Variants in MSRA observed in about 807,000 individuals in gnomAD.
MSRA encodes mitochondrial peptide methionine sulfoxide reductase.
A neutral mutation model predicts 31.3 loss-of-function variants in MSRA; 54 were observed. The ratio of observed to expected loss-of-function variants is 1.73; its 90% CI spans 1.39 to 2.17. The LOEUF (loss-of-function observed/expected upper bound fraction) is 2.17. MSRA is among the 30% of genes most tolerant of loss of function. The pLI is 0.00. For synonymous variants in MSRA, 169 were observed against 116.5 expected (o/e 1.45, Z -2.90); for missense variants, 507 against 300.9 (o/e 1.69, Z -5.07).
chr8:10,200,635 C>G (rs1487517208), intron 1 of MSRA, among the ~76,000 whole-genome samples: 1 of 152,164 alleles, frequency 6.6e-6, no homozygotes, highest in African/African-American at 2.4e-5. Flanking sequence ...AGAAGCCCCT[C>G]CCAGTGACTC....
At chr8:10,129,578 G>C (rs1801749345) in intron 1 of MSRA, among the ~76,000 whole-genome samples, 1 of 152,042 alleles carries the variant, frequency 6.6e-6, no homozygotes, top group Non-Finnish European at 1.5e-5. Context: ...ACCAGCTCAG[G>C]AGGAGGCCTG....
At chr8:10,301,503 A>G (rs754024586) in intron 3 of MSRA, 31 bp from the exon 4 acceptor site, 3 of 1,561,132 alleles carry the variant, frequency 1.9e-6, no homozygotes, top group Non-Finnish European at 1.8e-6. Flanking sequence ...GTTGTCAGTA[A>G]ATTTCGGTTG....
At chr8:10,316,336 G>C (rs1203970184) in intron 4 of MSRA, among the ~76,000 whole-genome samples, 1 of 152,086 alleles carries the variant, frequency 6.6e-6, no homozygotes, top group Non-Finnish European at 1.5e-5. Flanking sequence ...GCCTTCAACA[G>C]GCAACCAGCC....
chr8:10,297,763 C>G (rs891718630), intron 3 of MSRA, among the ~76,000 whole-genome samples: 6 of 152,194 alleles, frequency 3.9e-5, no homozygotes, highest in African/African-American at 1.4e-4. Flanking sequence ...AACAACCAAG[C>G]TTCTTTAAAC....
At chr8:10,144,935 C>T (rs1009080749) in intron 1 of MSRA, among the ~76,000 whole-genome samples, 15 of 151,676 alleles carry the variant, frequency 9.9e-5, no homozygotes, top group Admixed American at 7.9e-4. Flanking sequence ...ACTCTGCCTT[C>T]AAACATAAAG....
At chr8:10,219,435 G>A (rs993696120) in intron 2 of MSRA, among the ~76,000 whole-genome samples, 7 of 152,138 alleles carry the variant, frequency 4.6e-5, no homozygotes, top group African/African-American at 1.7e-4. Flanking sequence ...TCTCGTGTAT[G>A]TATTTTTGTA....
chr8:10,383,161 C>G (rs763730105), intron 5 of MSRA, among the ~76,000 whole-genome samples: 9 of 152,242 alleles, frequency 5.9e-5, no homozygotes, highest in Non-Finnish European at 1.2e-4. Flanking sequence ...GGGTGCCAGC[C>G]AACTCTGCTG....
intron 5 of MSRA, among the ~76,000 whole-genome samples, chr8:10,327,479 A>T (rs1022512959): frequency 4.6e-5 from 7 of 152,326 alleles, no homozygotes; most frequent in African/African-American, 1.7e-4. Flanking sequence ...TTCAAAAATA[A>T]AGGTTCAGTT....
rs187743782 is a variant in MSRA at position 10,255,461 on chromosome 8, G to C, written c.331+10238G>C. 2.5e-4 allele frequency among the ~76,000 whole-genome samples: 38 copies of C among 152,318 alleles called. No individual in the cohort carries two copies. The East Asian group carries it at 6.4e-3, about 26-fold the overall frequency. Reference sequence around the variant, plus strand: ...TTTCAATTTCAGCCTGATTCCCTGAGTGAATTTAATGTAAAGCTGTCCCTT... The same window carrying C: ...TTTCAATTTCAGCCTGATTCCCTGACTGAATTTAATGTAAAGCTGTCCCTT... On this transcript the variant is annotated intron_variant, in intron 3 of 5. Transcript: ENST00000317173.
intron 1 of MSRA, among the ~76,000 whole-genome samples, chr8:10,100,589 G>A (rs1393393408): frequency 1.3e-5 from 2 of 152,128 alleles, no homozygotes; most frequent in African/African-American, 2.4e-5. Flanking sequence ...GGATGAGTAA[G>A]TAGAAATTTA....
chr8:10,142,557 C>T (rs1337638000), intron 1 of MSRA, among the ~76,000 whole-genome samples: 1 of 152,216 alleles, frequency 6.6e-6, no homozygotes, highest in Non-Finnish European at 1.5e-5. Context: ...GATTTTTCCC[C>T]TCTCCTGGAA....
chr8:10,276,150 C>A (rs1799310202), intron 3 of MSRA, among the ~76,000 whole-genome samples: 1 of 152,170 alleles, frequency 6.6e-6, no homozygotes, highest in African/African-American at 2.4e-5. Flanking sequence ...GTGGTGGTGG[C>A]TACTCTGTTT....
At chr8:10,301,301 C>T (rs989640684) in intron 3 of MSRA, among the ~76,000 whole-genome samples, 2 of 152,068 alleles carry the variant, frequency 1.3e-5, no homozygotes, top group Non-Finnish European at 2.9e-5. Context: ...TATTAGAGCA[C>T]AATGTAGAAG....
intron 3 of MSRA, among the ~76,000 whole-genome samples, chr8:10,271,679 GAATTCCATTA>G (rs1192729204): frequency 6.6e-6 from 1 of 151,048 alleles, no homozygotes; most frequent in African/African-American, 2.4e-5. Context: ...GTTTGCTGTA[GAATTCCATTA>G]AATGATTTAT....
intron 1 of MSRA, among the ~76,000 whole-genome samples, chr8:10,098,756 T>C (rs1044798476): frequency 6.6e-6 from 1 of 152,222 alleles, no homozygotes; most frequent in Admixed American, 6.5e-5. Context: ...GCCAGAAAAC[T>C]TGAGTTGTTC....
At chr8:10,356,785 C>T (rs1389801268) in intron 5 of MSRA, among the ~76,000 whole-genome samples, 10 of 151,268 alleles carry the variant, frequency 6.6e-5, no homozygotes, top group African/African-American at 1.7e-4. Flanking sequence ...GAAATAAATT[C>T]GTGTTGTTCA....
chr8:10,250,115 G>GCA (rs145079799), intron 3 of MSRA, among the ~76,000 whole-genome samples: 58 of 150,270 alleles, frequency 3.9e-4, no homozygotes, highest in East Asian at 1.6e-3. Flanking sequence ...CTTTACACAT[G>GCA]CACACACACA....
At chr8:10,099,759 G>A (rs1047584669) in intron 1 of MSRA, among the ~76,000 whole-genome samples, 3 of 152,168 alleles carry the variant, frequency 2.0e-5, no homozygotes, top group African/African-American at 7.2e-5. Context: ...GCTCTCTTGC[G>A]GTGGCCATTG....
At chr8:10,272,190 TC>T (rs779131728) in intron 3 of MSRA, among the ~76,000 whole-genome samples, 3 of 152,206 alleles carry the variant, frequency 2.0e-5, no homozygotes, top group Non-Finnish European at 2.9e-5. Flanking sequence ...GTCAATATTC[TC>T]CAGGAAAACA....
Sources: allele counts gnomAD v4.1 joint callset (sites outside exome capture counted in the v4.1 genomes callset), GRCh38; gene constraint gnomAD v4.1.1; transcripts MANE v1.5; gene names NCBI Gene and HGNC (gene_info 2026-07-23, HGNC 2026-07-21).